RAB31: variants seen among roughly 807,000 people sequenced by gnomAD.
The protein encoded by RAB31 is RAB31, member RAS oncogene family, also known as ras-related protein Rab-31.
Under a neutral mutation model 25.6 loss-of-function variants are expected in RAB31, and 21 were observed. That is an observed-to-expected ratio of 0.82 (90% CI 0.58 to 1.18). The LOEUF (loss-of-function observed/expected upper bound fraction) is 1.18. Ranked by LOEUF, RAB31 falls within the 50% of genes most tolerant of loss-of-function variation. The pLI is 0.00. For missense variants in RAB31, 196 were observed against 250.1 expected, an observed-to-expected ratio of 0.78 and a Z score of 1.46; for synonymous variants, 87 against 84.0, an observed-to-expected ratio of 1.04 and a Z score of -0.20.
intron 5 of RAB31, among the ~76,000 whole-genome samples, chr18:9,818,825 C>T (rs4798868): frequency 0.7 from 106,767 of 152,090 alleles, 37,889 homozygotes; most frequent in East Asian, 0.98. Flanking sequence ...TCTTTTTGAT[C>T]ATAGGCATCC....
intron 2 of RAB31, among the ~76,000 whole-genome samples, chr18:9,783,552 C>T (rs1234263106): frequency 6.9e-6 from 1 of 144,822 alleles, no homozygotes; most frequent in Non-Finnish European, 1.5e-5. Context: ...ATCTGACTAA[C>T]ATCAAAAGTG....
chr18:9,708,438 T>C lies in RAB31; in HGVS notation c.33T>C (p.Leu11=). MMAIRELKVC[L]LGDTGVGKSS... is the part of the protein sequence containing the mutation. ...CGATACGGGAGCTCAAAGTGTGCCT[T>C]CTCGGGGTGAGTCCTGGCCGCCACC... is the stretch of plus-strand genomic sequence containing the variant. Residue 11 remains leucine, a synonymous_variant, in exon 1 of 7, where the codon CTT becomes CTC. Coordinates refer to ENST00000578921, the MANE Select transcript of RAB31 (RefSeq NM_006868.4). This position sits in a 1 kb window ranked among gnomAD's most constrained non-coding sequence, Gnocchi z 6.4. 1 of 1,569,018 alleles carries C rather than the reference T, an allele frequency of 6.4e-7. No homozygotes were observed.
chr18:9,713,021 C>T (rs930399911), intron 1 of RAB31, among the ~76,000 whole-genome samples: 4 of 152,146 alleles, frequency 2.6e-5, no homozygotes, highest in African/African-American at 9.7e-5. Context: ...CCAGGGCCTT[C>T]GCATGGAAGG....
intron 1 of RAB31, among the ~76,000 whole-genome samples, chr18:9,728,757 C>T (rs915627388): frequency 4.6e-5 from 7 of 152,064 alleles, no homozygotes; most frequent in African/African-American, 1.2e-4. Context: ...AGGCTGGTCT[C>T]GAACTCCTGA....
intron 1 of RAB31, among the ~76,000 whole-genome samples, chr18:9,749,831 G>A (rs1308337549): frequency 2.0e-5 from 3 of 152,172 alleles, no homozygotes; most frequent in South Asian, 2.1e-4. Flanking sequence ...AAAAGTCCTC[G>A]TTGTTCCTCT....
intron 5 of RAB31, among the ~76,000 whole-genome samples, chr18:9,821,841 G>A (rs1231492657): frequency 6.6e-6 from 1 of 152,116 alleles, no homozygotes; most frequent in African/African-American, 2.4e-5. Flanking sequence ...GACATATTAT[G>A]TTTATGAATT....
At chr18:9,789,035 A>C (rs2068447164) in intron 2 of RAB31, among the ~76,000 whole-genome samples, 1 of 152,236 alleles carries the variant, frequency 6.6e-6, no homozygotes, top group Admixed American at 6.5e-5. Flanking sequence ...TACACACTGG[A>C]ATACTATTCA....
At position 9,719,336 on chromosome 18, in the gene RAB31, T is replaced by TATATATATAA. The variant is rs1175080967; in HGVS notation, c.39+10893_39+10894insTATATATAAA. 4.8e-5 allele frequency among the ~76,000 whole-genome samples: 4 copies of TATATATATAA among 83,900 alleles called. No homozygotes were observed. In the East Asian group the frequency reaches 1.4e-3, roughly 29 times the overall value. The allele number at this position is 83,900 out of a possible 152,430, so 55.0% of individuals were successfully genotyped here. On this transcript the variant is annotated intron_variant, in intron 1 of 6. Transcript: ENST00000578921. ...ATATATATATATATATATAAATAAA[T>TATATATATAA]AAATTTGATCTAATTATGAGGGAGG...
chr18:9,711,369 TA>T (rs1052810874), intron 1 of RAB31, among the ~76,000 whole-genome samples: 7 of 151,994 alleles, frequency 4.6e-5, no homozygotes, highest in Admixed American at 2.6e-4. Context: ...AAAAGTCCTT[TA>T]AAAAATATAT....
chr18:9,853,939 TC>T (rs1315495800), intron 6 of RAB31, among the ~76,000 whole-genome samples: 1 of 147,312 alleles, frequency 6.8e-6, no homozygotes, highest in Non-Finnish European at 1.5e-5. Context: ...TTTAAGGTTT[TC>T]TTTTTTTCTT....
chr18:9,859,250 C>G lies in RAB31; in HGVS notation c.513C>G (p.Asp171Glu). The change falls in exon 7 of 7, where the codon GAC (aspartate) becomes GAG (glutamate). Residue 171 changes from aspartate to glutamate, a missense_variant. Physicochemically the swap from Asp to Glu is conservative, Grantham distance 45. Transcript: ENST00000578921. The part of the protein sequence containing the change: ...QGISRQIPPL[D>E]PHENGNNGTI... ...CAGGCCGCCAGATCCCACCCTTGGA[C>G]CCCCATGAAAATGGAAACAATGGAA... 6.2e-7 allele frequency: 1 copy of G among 1,613,792 alleles called. No individual in the cohort carries two copies. The highest frequency in any genetic ancestry group is 8.5e-7 in the Non-Finnish European group (1 of 1,179,728).
intron 6 of RAB31, among the ~76,000 whole-genome samples, chr18:9,857,697 TA>T (rs535232581): frequency 1.5e-4 from 23 of 148,416 alleles, no homozygotes; most frequent in African/African-American, 5.6e-4. Context: ...GATAGATAGA[TA>T]GATAGATAGA....
At chr18:9,747,466 G>C (rs74336883) in intron 1 of RAB31, among the ~76,000 whole-genome samples, 3,719 of 152,272 alleles carry the variant, frequency 0.024, 146 homozygotes, top group East Asian at 0.15. Flanking sequence ...CAACCCAAAT[G>C]TCTATGATGA....
chr18:9,794,935 G>A (rs928731510), intron 3 of RAB31, among the ~76,000 whole-genome samples: 4 of 152,112 alleles, frequency 2.6e-5, no homozygotes, highest in African/African-American at 9.7e-5. Context: ...CATAGCCAAA[G>A]CAAGACTAAG....
chr18:9,820,828 T>C (rs1369478632), intron 5 of RAB31, among the ~76,000 whole-genome samples: 1 of 152,090 alleles, frequency 6.6e-6, no homozygotes, highest in Non-Finnish European at 1.5e-5. Context: ...TCAGTTTTGT[T>C]GACCTTTTCA....
intron 2 of RAB31, among the ~76,000 whole-genome samples, chr18:9,786,143 A>G (rs761594551): frequency 1.5e-4 from 23 of 150,904 alleles, no homozygotes; most frequent in Non-Finnish European, 2.9e-4. Flanking sequence ...GAAAGGAAAG[A>G]AAGAAAGAAA....
intron 5 of RAB31, among the ~76,000 whole-genome samples, chr18:9,837,110 G>A (rs148851805): frequency 8.8e-5 from 12 of 136,562 alleles, no homozygotes; most frequent in African/African-American, 2.6e-4. Flanking sequence ...GAGACACCTG[G>A]GGAGAGTCAG....
intron 3 of RAB31, among the ~76,000 whole-genome samples, chr18:9,793,081 A>G (rs1424143844): frequency 2.6e-5 from 4 of 152,160 alleles, no homozygotes; most frequent in African/African-American, 9.7e-5. Context: ...ACTAGAGCGT[A>G]TATTATAAAA....
intron 2 of RAB31, among the ~76,000 whole-genome samples, chr18:9,779,293 T>C (rs1397720598): frequency 6.6e-6 from 1 of 152,210 alleles, no homozygotes; most frequent in African/African-American, 2.4e-5. Flanking sequence ...AAATAAAAAG[T>C]GAAGTCAGAG....
Sources: allele counts gnomAD v4.1 joint callset (sites outside exome capture counted in the v4.1 genomes callset), GRCh38; gene constraint gnomAD v4.1.1; non-coding constraint Gnocchi (gnomAD v3.1); transcripts MANE v1.5; gene names NCBI Gene and HGNC (gene_info 2026-07-23, HGNC 2026-07-21).